The following TECTA variants were observed in gnomAD, a reference collection of about 807,000 sequenced individuals.
TECTA encodes the protein alpha-tectorin.
A neutral mutation model predicts 216.8 loss-of-function variants in TECTA; 128 were observed. That is an observed-to-expected ratio of 0.59 (90% CI 0.51 to 0.68). TECTA has a LOEUF of 0.68. Ranked by LOEUF, TECTA falls within the 30% of genes least tolerant of loss-of-function variation. The pLI, the probability that TECTA is intolerant of heterozygous loss-of-function variation, is 0.00. For missense variants in TECTA, 2,551 were observed against 2,786.2 expected (o/e 0.92, Z 1.90); for synonymous variants, 1,089 against 1,117.1 (o/e 0.97, Z 0.50).
intron 6 of TECTA, among the ~76,000 whole-genome samples, chr11:121,116,317 G>A (rs1946501374): frequency 6.6e-6 from 1 of 152,098 alleles, no homozygotes; most frequent in African/African-American, 2.4e-5. Flanking sequence ...CCTGGACCAG[G>A]GGCCTCAGAA....
chr11:121,147,229 A>G (rs1396615626), intron 12 of TECTA, among the ~76,000 whole-genome samples: 2 of 152,216 alleles, frequency 1.3e-5, no homozygotes, highest in Non-Finnish European at 2.9e-5. Context: ...TTGATCCTGA[A>G]TGCATAGAGC....
rs370688947 is a variant in TECTA, at chr11:121,109,370, G to T, written c.358G>T (p.Ala120Ser). The T allele has an allele frequency of 4.3e-6, 7 of 1,614,050 alleles. No individual in the cohort carries two copies. The African/African-American group carries it at 9.3e-5, about 22-fold the overall frequency. ...CTATTACAGAGAGACCATGGAGCCTGCCATCTTGAAAAGAGCCACCAAGGA... is the reference window on the plus strand; with the variant it reads ...CTATTACAGAGAGACCATGGAGCCTTCCATCTTGAAAAGAGCCACCAAGGA... ...EIYYRETMEP[A>S]ILKRATKDIR... The change falls in exon 4 of 24, where the codon GCC becomes TCC. Residue 120 changes from alanine to serine, a missense_variant. By Grantham distance (99) the Ala-to-Ser change is moderately conservative (BLOSUM62 1). Transcript: ENST00000392793.
Position 121,166,792 on chromosome 11 carries a change from A to G in TECTA, c.5586+12A>G, listed in dbSNP as rs199723136. The G allele has an allele frequency of 1.4e-4, 223 of 1,613,006 alleles. No individual in the cohort carries two copies. The highest frequency in any genetic ancestry group is 1.8e-4 in the Non-Finnish European group (218 of 1,179,982). On this transcript the variant is annotated intron_variant, in intron 18 of 23. Coordinates refer to ENST00000392793, the MANE Select transcript of TECTA (RefSeq NM_005422.4). The stretch of plus-strand genomic sequence containing the variant: ...GAAACATTGTGCAGGTGAGAAAAGC[A>G]GCAGGAAAGAGCACCTGGCAGAGGC...
intron 23 of TECTA, chr11:121,190,085 T>G (rs1332633950): frequency 1.7e-6 from 1 of 581,808 alleles, no homozygotes; most frequent in South Asian, 2.0e-5. Context: ...AAAAAAACCT[T>G]GCTCTTTCAT....
rs771148171 is a variant in TECTA, at chr11:121,158,023, C to T, written c.4488C>T (p.Arg1496=). 13 of 1,612,968 alleles carry T rather than the reference C, an allele frequency of 8.1e-6. No homozygotes were observed. The East Asian group carries it at 2.9e-4, about 36-fold the overall frequency. Residue 1496 remains arginine, a synonymous_variant, in exon 14 of 24, where the codon CGC becomes CGT. Coordinates refer to ENST00000392793, the MANE Select transcript of TECTA (RefSeq NM_005422.4). The stretch of plus-strand genomic sequence containing the variant: ...TGGCGGCCGGCGGCGGCGTCTTCCG[C>T]ACCTTCGACGGCGCCTTCCTGCGCT... ...YCLAAGGGVF[R]TFDGAFLRFP... is the part of the protein sequence containing the mutation.
intron 20 of TECTA, among the ~76,000 whole-genome samples, chr11:121,184,670 C>T (rs1211535348): frequency 6.6e-6 from 1 of 152,192 alleles, no homozygotes; most frequent in East Asian, 1.9e-4. Flanking sequence ...CTCAAGGTCA[C>T]ACAACTATCA....
At chr11:121,172,834 A>C (rs997594302) in intron 20 of TECTA, among the ~76,000 whole-genome samples, 7 of 151,650 alleles carry the variant, frequency 4.6e-5, no homozygotes, top group African/African-American at 9.7e-5. Flanking sequence ...ATTTCTCCAC[A>C]TCCTCTCCAG....
intron 10 of TECTA, among the ~76,000 whole-genome samples, chr11:121,136,057 C>G (rs887820103): frequency 6.6e-6 from 1 of 151,944 alleles, no homozygotes. Flanking sequence ...CTCCCAGGTT[C>G]GAGCGATTCT....
intron 4 of TECTA, among the ~76,000 whole-genome samples, chr11:121,112,225 A>T (rs1290970113): frequency 6.6e-6 from 1 of 152,252 alleles, no homozygotes; most frequent in African/African-American, 2.4e-5. Context: ...TACAAGTTTC[A>T]TATGAATTTA....
chr11:121,153,598 T>C (rs1946914515), intron 13 of TECTA, among the ~76,000 whole-genome samples: 1 of 152,176 alleles, frequency 6.6e-6, no homozygotes, highest in Non-Finnish European at 1.5e-5. Context: ...ACGTGTGCCA[T>C]TTGTCACTGT....
rs554011253 is a variant in TECTA, at chr11:121,144,057, A to G, written c.3544-1498A>G. Among the ~76,000 whole-genome samples the G allele has an allele frequency of 1.3e-4, 20 of 152,288 alleles. 1 individual carries two copies. In the South Asian group the frequency reaches 3.3e-3, roughly 25 times the overall value. ...TGGGGTTAGGGGCCCTGGGTGGAGC[A>G]TGGAAAGCATCCTTCACACTCACGG... On this transcript the variant is annotated intron_variant, in intron 11 of 23. Transcript: ENST00000392793.
At position 121,162,148 on chromosome 11, in the gene TECTA, A is replaced by G. The variant is rs1251103028; in HGVS notation, c.5050A>G (p.Lys1684Glu). The change falls in exon 16 of 24, where the codon AAG becomes GAG. Residue 1684 changes from lysine to glutamate, a missense_variant. Lys to Glu is a moderately conservative substitution (Grantham distance 56, BLOSUM62 1). Around this residue, in one of 3 missense-constraint regions of TECTA, gnomAD observed 2,375 missense variants for 2,563.9 expected, o/e 0.93. Coordinates refer to ENST00000392793, the MANE Select transcript of TECTA (RefSeq NM_005422.4). Reference protein sequence around the residue: ...AAMCDNVHIQKMQGDGYCLKL... With the variant: ...AAMCDNVHIQEMQGDGYCLKL... Reference sequence around the variant, plus strand: ...CATGTGTGACAATGTGCACATCCAGAAGATGCAGGGTGATGGCTACTGCCT... The same window carrying G: ...CATGTGTGACAATGTGCACATCCAGGAGATGCAGGGTGATGGCTACTGCCT... 6.2e-7 allele frequency: 1 copy of G among 1,614,200 alleles called. No individual in the cohort carries two copies. The highest frequency in any genetic ancestry group is 1.7e-5 in the Admixed American group (1 of 60,034).
At chr11:121,183,198 T>C (rs1257429350) in intron 20 of TECTA, among the ~76,000 whole-genome samples, 1 of 152,116 alleles carries the variant, frequency 6.6e-6, no homozygotes, top group African/African-American at 2.4e-5. Flanking sequence ...GGGGTGGGTG[T>C]TAGCAGGGCT....
At chr11:121,123,769 C>T (rs1288854206) in intron 7 of TECTA, among the ~76,000 whole-genome samples, 1 of 152,242 alleles carries the variant, frequency 6.6e-6, no homozygotes. Context: ...GGCTCTCCAT[C>T]TTGCTCAGAG....
chr11:121,118,828 A>G lies in TECTA; in HGVS notation c.1203+110A>G, dbSNP rs1946527253. ...CTGCTGTTTGTCTCTGTACAGTGCCAAAGAGATGCACAGCTCTCCCCGCCT... is the reference window on the plus strand; with the variant it reads ...CTGCTGTTTGTCTCTGTACAGTGCCGAAGAGATGCACAGCTCTCCCCGCCT... On this transcript the variant is annotated intron_variant, in intron 7 of 23. Coordinates refer to ENST00000392793, the MANE Select transcript of TECTA (RefSeq NM_005422.4). 2.1e-6 allele frequency: 3 copies of G among 1,405,212 alleles called. No homozygotes were observed. In the Admixed American group the frequency reaches 5.4e-5, roughly 25 times the overall value. 87.0% of individuals were successfully genotyped at this position (1,405,212 alleles called of 1,614,324 possible). A position where few individuals can be genotyped will look rare whatever the true frequency, so the allele number is the denominator to read the frequency against.
At chr11:121,166,355 G>A (rs1025757786) in intron 17 of TECTA, among the ~76,000 whole-genome samples, 4 of 152,210 alleles carry the variant, frequency 2.6e-5, no homozygotes, top group Non-Finnish European at 1.5e-5. Flanking sequence ...CACTTTATTA[G>A]CATTTTTATC....
chr11:121,125,705 A>C lies in TECTA; in HGVS notation c.1607A>C (p.Glu536Ala). Residue 536 changes from glutamate (E) to alanine (A), a missense_variant, in exon 8 of 24, where the codon GAG becomes GCG. Physicochemically the swap from Glu to Ala is moderately radical, Grantham distance 107. Coordinates refer to ENST00000392793, the MANE Select transcript of TECTA (RefSeq NM_005422.4). ...AACAAGACAGACGGCCCTCTGTGGG[A>C]GTGTGGCACTGTCGTGGACCCCACT... ...FLNKTDGPLWECGTVVDPTAF... is the reference protein window; with the variant it reads ...FLNKTDGPLWACGTVVDPTAF... 3 of 1,610,256 alleles carry C rather than the reference A, an allele frequency of 1.9e-6. No homozygotes were observed. The highest frequency in any genetic ancestry group is 2.5e-6 in the Non-Finnish European group (3 of 1,176,720).
intron 12 of TECTA, among the ~76,000 whole-genome samples, chr11:121,151,464 G>A (rs778519298): frequency 6.6e-6 from 1 of 152,168 alleles, no homozygotes; most frequent in African/African-American, 2.4e-5. Context: ...AAAGCAATGA[G>A]CAGAAATGTG....
Position 121,182,474 on chromosome 11 carries a change from G to A in TECTA, c.6000-5358G>A, listed in dbSNP as rs116238415. The stretch of plus-strand genomic sequence containing the variant: ...GTAGTCGTTGGCAGTGGTGGACAGG[G>A]TAGGGCAATCCATAAGCCTCCAGAT... On this transcript the variant is annotated intron_variant, in intron 20 of 23. Coordinates refer to ENST00000392793, the MANE Select transcript of TECTA (RefSeq NM_005422.4). Among the ~76,000 whole-genome samples the A allele has an allele frequency of 9.0e-3, 1,366 of 152,322 alleles. 28 individuals carry two copies. Among genetic ancestry groups the A allele is most frequent in the African/African-American group, 0.031 (1,293 of 41,572 alleles).
Sources: gnomAD v4.1 joint callset for allele counts (sites outside exome capture counted in the v4.1 genomes callset) on GRCh38, gnomAD v4.1.1 for gene constraint, gnomAD v4.1.1 regional missense constraint, MANE v1.5 for transcripts, NCBI Gene and HGNC (gene_info 2026-07-23, HGNC 2026-07-21) for gene names.